PTPN12: variants seen among roughly 807,000 people sequenced by gnomAD.
The protein encoded by PTPN12 is tyrosine-protein phosphatase non-receptor type 12.
A neutral mutation model predicts 97.6 loss-of-function variants in PTPN12; 29 were observed. The observed-to-expected ratio is 0.30, with a 90% CI of 0.22 to 0.41. PTPN12 has a LOEUF of 0.41. Ranked by LOEUF, PTPN12 falls within the 10% of genes least tolerant of loss-of-function variation. The pLI is 1.00. For synonymous variants in PTPN12, 327 were observed against 300.4 expected (o/e 1.09, Z -0.91); for missense variants, 819 against 926.0 (o/e 0.88, Z 1.50).
chr7:77,611,589 C>T (rs1488975007), intron 11 of PTPN12, among the ~76,000 whole-genome samples: 2 of 152,140 alleles, frequency 1.3e-5, no homozygotes, highest in East Asian at 1.9e-4. Flanking sequence ...GGATTACAGG[C>T]GCACGCCACT....
At chr7:77,624,709 G>C (rs1199698885) in intron 12 of PTPN12, among the ~76,000 whole-genome samples, 1 of 152,002 alleles carries the variant, frequency 6.6e-6, no homozygotes, top group East Asian at 2.0e-4. Flanking sequence ...AAAGTGCTAG[G>C]ATTACAGGCG....
intron 5 of PTPN12, among the ~76,000 whole-genome samples, chr7:77,588,976 A>G (rs1040212242): frequency 3.9e-5 from 6 of 152,128 alleles, no homozygotes; most frequent in Non-Finnish European, 5.9e-5. Context: ...GGGTTCAGGT[A>G]TATTTCCTGT....
chr7:77,596,025 A>C (rs1177687473), intron 6 of PTPN12, among the ~76,000 whole-genome samples: 2 of 152,146 alleles, frequency 1.3e-5, no homozygotes, highest in Non-Finnish European at 2.9e-5. Flanking sequence ...GTTAGGGAAA[A>C]TCATGTGTTA....
intron 9 of PTPN12, 91 bp downstream of exon 9, chr7:77,607,392 T>C: frequency 1.1e-6 from 1 of 934,302 alleles, no homozygotes; most frequent in Non-Finnish European, 1.6e-6. Context: ...GTGTATATTT[T>C]ATTATACATG....
chr7:77,585,745 A>C (rs923951807), intron 5 of PTPN12, among the ~76,000 whole-genome samples, 164 bp downstream of exon 5: 2 of 152,054 alleles, frequency 1.3e-5, no homozygotes, highest in African/African-American at 4.8e-5. Flanking sequence ...TCTCTCAAGC[A>C]TGTTGTTTTC....
chr7:77,538,731 T>G (rs1806797674), intron 1 of PTPN12: 1 of 148,412 alleles, frequency 6.7e-6, no homozygotes, highest in Admixed American at 6.7e-5. Context: ...ACCCCCGCCC[T>G]TTTTATTTTT....
chr7:77,570,360 G>A (rs1241095652), intron 1 of PTPN12, among the ~76,000 whole-genome samples: 3 of 152,240 alleles, frequency 2.0e-5, no homozygotes, highest in Admixed American at 2.0e-4. Flanking sequence ...AATATGTCTT[G>A]AGGCCTGAAA....
At chr7:77,584,023 T>A (rs571194475) in intron 4 of PTPN12, among the ~76,000 whole-genome samples, 2 of 152,338 alleles carry the variant, frequency 1.3e-5, no homozygotes, top group African/African-American at 4.8e-5. Flanking sequence ...CACATAACTA[T>A]AAATAGACTA....
At chr7:77,604,855 T>C (rs1031657449) in intron 8 of PTPN12, 1 of 431,032 alleles carries the variant, frequency 2.3e-6, no homozygotes, top group Non-Finnish European at 4.7e-6. Flanking sequence ...GATCAGAATT[T>C]AATTTTTTGC....
chr7:77,556,427 C>T (rs572016823), intron 1 of PTPN12, among the ~76,000 whole-genome samples: 2 of 152,232 alleles, frequency 1.3e-5, no homozygotes, highest in East Asian at 1.9e-4. Context: ...AGCGCCTCAC[C>T]CCCAGGATGG....
At chr7:77,576,254 A>T (rs1435872744) in intron 2 of PTPN12, among the ~76,000 whole-genome samples, 2 of 152,228 alleles carry the variant, frequency 1.3e-5, no homozygotes, top group African/African-American at 4.8e-5. Flanking sequence ...AATGATGAAC[A>T]TATTGAATAA....
chr7:77,537,747 AGGGGCGGAG>A, intron 1 of PTPN12, 102 bp downstream of exon 1: 1 of 1,216,672 alleles, frequency 8.2e-7, no homozygotes, highest in Non-Finnish European at 1.1e-6. Flanking sequence ...CTGTGAGGAG[AGGGGCGGAG>A]GGGGCGCGCA....
At chr7:77,612,261 A>G (rs1224000862) in intron 11 of PTPN12, among the ~76,000 whole-genome samples, 1 of 152,174 alleles carries the variant, frequency 6.6e-6, no homozygotes, top group Non-Finnish European at 1.5e-5. Flanking sequence ...TTATTAGCCA[A>G]GTGACAATTT....
Position 77,607,321 on chromosome 7 carries a change from G to C in PTPN12, c.762+20G>C, listed in dbSNP as rs1044577085. 1 of 1,532,856 alleles carries C rather than the reference G, an allele frequency of 6.5e-7. No individual in the cohort carries two copies. The highest frequency in any genetic ancestry group is 9.0e-7 in the Non-Finnish European group (1 of 1,107,708). 95.0% of individuals were successfully genotyped at this position (1,532,856 alleles called of 1,614,324 possible). A position where few individuals can be genotyped will look rare whatever the true frequency, so the allele number is the denominator to read the frequency against. ...GCTGGGGTAAGAATAATTTTTTGTA[G>C]CATTATGTTCAATTGATCTATTATG... On this transcript the variant is annotated intron_variant, in intron 9 of 17. Transcript: ENST00000248594.
At chr7:77,547,652 A>G (rs1293869465) in intron 1 of PTPN12, among the ~76,000 whole-genome samples, 1 of 152,244 alleles carries the variant, frequency 6.6e-6, no homozygotes, top group Admixed American at 6.5e-5. Flanking sequence ...TTGAGATGAC[A>G]TACTGCTCCA....
chr7:77,567,012 T>A (rs944870456), intron 1 of PTPN12, among the ~76,000 whole-genome samples: 2 of 152,022 alleles, frequency 1.3e-5, no homozygotes, highest in Admixed American at 6.6e-5. Context: ...TAGTATATTA[T>A]GTTTCTCAAT....
chr7:77,582,084 CTTTTTTTTTTT>C lies in PTPN12; in HGVS notation c.285+599_285+609del, dbSNP rs11341609. Among the ~76,000 whole-genome samples the C allele has an allele frequency of 3.9e-3, 205 of 52,892 alleles. 1 individual carries two copies. Among genetic ancestry groups the C allele is most frequent in the Middle Eastern group, 0.016 (1 of 62 alleles). 34.7% of individuals were successfully genotyped at this position (52,892 alleles called of 152,430 possible). On this transcript the variant is annotated intron_variant, in intron 3 of 17. Transcript: ENST00000248594. ...CCCTTTGATGAAAAGCAGTCAAGTTCTTTTTTTTTTTTTTTTTTTTTTTTTTTTGAGACGGA... is the reference window on the plus strand; with the variant it reads ...CCCTTTGATGAAAAGCAGTCAAGTTCTTTTTTTTTTTTTTTTTGAGACGGA...
intron 6 of PTPN12, among the ~76,000 whole-genome samples, chr7:77,595,645 A>C (rs1346322168): frequency 6.6e-6 from 1 of 152,256 alleles, no homozygotes. Context: ...TGGCCCAAAA[A>C]GCCAAAAATA....
intron 6 of PTPN12, among the ~76,000 whole-genome samples, chr7:77,595,013 A>C (rs992185263): frequency 6.6e-6 from 1 of 152,238 alleles, no homozygotes. Context: ...TTTTTCAATT[A>C]AACTAAAAGG....
Sources: allele counts gnomAD v4.1 joint callset (sites outside exome capture counted in the v4.1 genomes callset), GRCh38; gene constraint gnomAD v4.1.1; transcripts MANE v1.5; gene names NCBI Gene and HGNC (gene_info 2026-07-23, HGNC 2026-07-21).